Variants in CCT7 observed in about 807,000 individuals in gnomAD.
CCT7 encodes chaperonin containing TCP1 subunit 7.
A neutral mutation model predicts 56.6 loss-of-function variants in CCT7; 16 were observed. That is an observed-to-expected ratio of 0.28 (90% CI 0.19 to 0.43). The LOEUF (loss-of-function observed/expected upper bound fraction) is 0.43, where lower values mean the gene tolerates loss of function less well. Among genes scored for constraint, CCT7 ranks in the 20% least tolerant of loss-of-function variants. The pLI, the probability that CCT7 is intolerant of heterozygous loss-of-function variation, is 1.00. For missense variants in CCT7, 519 were observed against 685.6 expected, an observed-to-expected ratio of 0.76 and a Z score of 2.71; for synonymous variants, 262 against 254.8, an observed-to-expected ratio of 1.03 and a Z score of -0.27.
chr2:73,248,430 A>G (rs1687438253), intron 7 of CCT7, among the ~76,000 whole-genome samples: 1 of 151,812 alleles, frequency 6.6e-6, no homozygotes, highest in African/African-American at 2.4e-5. Flanking sequence ...GGCTCACTGT[A>G]ACCTCTGCCT....
At chr2:73,250,061 A>G in intron 9 of CCT7, 145 bp downstream of exon 9, 1 of 724,710 alleles carries the variant, frequency 1.4e-6, no homozygotes, top group South Asian at 1.7e-5. Flanking sequence ...CCTTTGAGCC[A>G]TAAAGAGCTC....
intron 10 of CCT7, among the ~76,000 whole-genome samples, chr2:73,250,946 C>T (rs6706873): frequency 2.9e-4 from 44 of 151,936 alleles, no homozygotes; most frequent in Admixed American, 1.2e-3. Flanking sequence ...AAAAAGACTT[C>T]GTTTTGTTAG....
intron 9 of CCT7, 61 bp from the exon 10 acceptor site, chr2:73,250,245 C>T (rs1687518768): frequency 1.9e-6 from 3 of 1,599,258 alleles, no homozygotes; most frequent in African/African-American, 1.3e-5. Context: ...GCAGTGAGGA[C>T]AATACAGTAG....
chr2:73,244,760 G>A lies in CCT7; in HGVS notation c.618+45G>A, dbSNP rs766772953. On this transcript the variant is annotated intron_variant, in intron 6 of 11. Coordinates refer to ENST00000258091, the MANE Select transcript of CCT7 (RefSeq NM_006429.4). ...CCTAGACAGCTCTTGCTTTCATATT[G>A]ACCCTTCAGACAGCTTCATATGGCA... is the stretch of plus-strand genomic sequence containing the variant. 9 of 1,483,824 alleles carry A rather than the reference G, an allele frequency of 6.1e-6. No individual in the cohort carries two copies. The Admixed American group carries it at 1.7e-4, about 29-fold the overall frequency. 91.9% of individuals were successfully genotyped at this position (1,483,824 alleles called of 1,614,324 possible).
rs563584301 is a variant in CCT7 at position 73,242,118 on chromosome 2, C to G, written c.268-886C>G. 2.7e-4 allele frequency among the ~76,000 whole-genome samples: 40 copies of G among 150,912 alleles called. 1 individual carries two copies. The South Asian group carries it at 3.6e-3, about 14-fold the overall frequency. On this transcript the variant is annotated intron_variant, in intron 3 of 11. Coordinates refer to ENST00000258091, the MANE Select transcript of CCT7 (RefSeq NM_006429.4). ...TTTAGTGTGATTTGACTGAAAGTTACCTTTTTTTTTTTTTAACTCCTGGCC... is the reference window on the plus strand; with the variant it reads ...TTTAGTGTGATTTGACTGAAAGTTAGCTTTTTTTTTTTTTAACTCCTGGCC...
At chr2:73,249,260 C>A in intron 8 of CCT7, 81 bp downstream of exon 8, 1 of 1,118,038 alleles carries the variant, frequency 8.9e-7, no homozygotes, top group Non-Finnish European at 1.3e-6. Flanking sequence ...ACAGAGTGTA[C>A]TGTCAGGTTG....
intron 1 of CCT7, 65 bp downstream of exon 1, chr2:73,234,449 G>C: frequency 6.3e-7 from 1 of 1,586,092 alleles, no homozygotes; most frequent in East Asian, 2.2e-5. Flanking sequence ...GCGCCGCTCG[G>C]CCTGGGCTTG....
intron 1 of CCT7, chr2:73,237,538 T>G (rs1686933156): frequency 1.3e-5 from 2 of 152,100 alleles, no homozygotes; most frequent in Non-Finnish European, 2.9e-5. Context: ...AGGACACACA[T>G]CTTTCCCTTA....
intron 10 of CCT7, 96 bp from the exon 11 acceptor site, chr2:73,251,130 C>T: frequency 8.9e-7 from 1 of 1,119,600 alleles, no homozygotes; most frequent in Non-Finnish European, 1.3e-6. Context: ...GAATGAAGAA[C>T]CACTCTTTCT....
chr2:73,241,866 G>A (rs1232568102), intron 3 of CCT7, among the ~76,000 whole-genome samples: 2 of 151,038 alleles, frequency 1.3e-5, no homozygotes, highest in Non-Finnish European at 2.9e-5. Flanking sequence ...TCAGCCTCCC[G>A]AGTAGCTGAG....
Position 73,252,639 on chromosome 2 carries a change from G to A in CCT7, c.1411-1G>A. ...CCTCCTTTCTTTTCCTACTCTTTTA[G>A]GGGGGTACATGGTATGGAGTAGACA... On this transcript the variant is annotated splice_acceptor_variant, in intron 11 of 11. Transcript: ENST00000258091. LOFTEE classifies it high-confidence loss of function. 1 of 1,611,270 alleles carries A rather than the reference G, an allele frequency of 6.2e-7. No homozygotes were observed. The highest frequency in any genetic ancestry group is 8.5e-7 in the Non-Finnish European group (1 of 1,177,552).
intron 8 of CCT7, among the ~76,000 whole-genome samples, chr2:73,249,405 A>C (rs1180347903): frequency 2.6e-5 from 4 of 152,228 alleles, no homozygotes; most frequent in African/African-American, 9.7e-5. Flanking sequence ...GGTTTGTGAG[A>C]GAACCTAGCA....
chr2:73,238,439 G>T (rs1686968466), intron 1 of CCT7, among the ~76,000 whole-genome samples: 1 of 150,254 alleles, frequency 6.7e-6, no homozygotes, highest in Non-Finnish European at 1.5e-5. Flanking sequence ...TCAGCCTCAT[G>T]AGTGGCAAGA....
At chr2:73,237,731 A>G (rs1686940261) in intron 1 of CCT7, 1 of 152,234 alleles carries the variant, frequency 6.6e-6, no homozygotes, top group South Asian at 2.1e-4. Context: ...ATAAAAAATA[A>G]AAGGAGTAAT....
intron 11 of CCT7, among the ~76,000 whole-genome samples, chr2:73,251,967 T>C (rs1687609175): frequency 6.6e-6 from 1 of 151,798 alleles, no homozygotes; most frequent in African/African-American, 2.4e-5. Flanking sequence ...TGATTGCTTC[T>C]TATGGTACCA....
intron 7 of CCT7, among the ~76,000 whole-genome samples, chr2:73,248,727 T>G (rs1434175767): frequency 6.6e-6 from 1 of 152,188 alleles, no homozygotes; most frequent in Non-Finnish European, 1.5e-5. Flanking sequence ...TTTAAACTAT[T>G]TCTCGCATCT....
intron 3 of CCT7, among the ~76,000 whole-genome samples, chr2:73,242,657 A>C (rs1352361010): frequency 6.6e-6 from 1 of 152,248 alleles, no homozygotes; most frequent in Non-Finnish European, 1.5e-5. Context: ...TACAATAAGC[A>C]TGACAAGGAC....
intron 2 of CCT7, chr2:73,240,131 G>T (rs1016235731): frequency 3.0e-6 from 1 of 328,356 alleles, no homozygotes; most frequent in Non-Finnish European, 5.5e-6. Context: ...GATGTGTGAG[G>T]GTATCAACTG....
At chr2:73,236,580 T>C (rs751899659) in intron 1 of CCT7, among the ~76,000 whole-genome samples, 11 of 152,150 alleles carry the variant, frequency 7.2e-5, no homozygotes, top group Non-Finnish European at 1.6e-4. Flanking sequence ...ACCTTGTGAT[T>C]CACCCACCTT....
Sources: allele counts gnomAD v4.1 joint callset (sites outside exome capture counted in the v4.1 genomes callset), GRCh38; gene constraint gnomAD v4.1.1; transcripts MANE v1.5; gene names NCBI Gene and HGNC (gene_info 2026-07-23, HGNC 2026-07-21).